INF2: variants seen among roughly 807,000 people sequenced by gnomAD.
INF2 encodes inverted formin-2.
Under a neutral mutation model 123.5 loss-of-function variants are expected in INF2, and 43 were observed. The observed-to-expected ratio is 0.35, with a 90% CI of 0.27 to 0.45. The LOEUF (loss-of-function observed/expected upper bound fraction) is 0.45, where lower values mean the gene tolerates loss of function less well. Ranked by LOEUF, INF2 falls within the 20% of genes least tolerant of loss-of-function variation. INF2 has a pLI of 1.00. For synonymous variants in INF2, 851 were observed against 745.0 expected (o/e 1.14, Z -2.32); for missense variants, 1,453 against 1,682.7 (o/e 0.86, Z 2.39).
rs773425934 is a variant in INF2 at position 104,714,564 on chromosome 14, C to T, written c.3402C>T (p.Pro1134=). The change falls in exon 21 of 23, where the codon CCC becomes CCT. Residue 1134 remains proline (P), a synonymous_variant. Coordinates refer to ENST00000392634, the MANE Select transcript of INF2 (RefSeq NM_022489.4). ...GTTCAAGGCAAGATGCCAAGGATCCCACGTCCTTGCTGGGCGTCCTCCAGG... is the reference window on the plus strand; with the variant it reads ...GTTCAAGGCAAGATGCCAAGGATCCTACGTCCTTGCTGGGCGTCCTCCAGG... The part of the protein sequence containing the change: ...AGSSRQDAKD[P]TSLLGVLQAE... 3.1e-5 allele frequency: 50 copies of T among 1,612,568 alleles called. No individual in the cohort carries two copies. Among genetic ancestry groups the T allele is most frequent in the Middle Eastern group, 1.6e-4 (1 of 6,084 alleles).
At chr14:104,695,125 A>T (rs4444271) in intron 1 of INF2, among the ~76,000 whole-genome samples, 54,834 of 151,696 alleles carry the variant, frequency 0.36, 11,268 homozygotes, top group Non-Finnish European at 0.46. Flanking sequence ...TGCCCAGCAG[A>T]CCCCCTGCAG....
In INF2 at chr14:104,721,408, C is replaced by A. The variant is rs916484578; in HGVS notation, c.*2615C>A. 2 of 161,064 alleles carry A rather than the reference C, an allele frequency of 1.2e-5. No homozygotes were observed. Among genetic ancestry groups the A allele is most frequent in the Admixed American group, 1.3e-4 (2 of 15,400 alleles). The allele number at this position is 161,064 out of a possible 1,614,324, so 10.0% of individuals were successfully genotyped here. A position where few individuals can be genotyped will look rare whatever the true frequency, so the allele number is the denominator to read the frequency against. On this transcript the variant is annotated 3_prime_UTR_variant, in exon 23 of 23. Coordinates refer to ENST00000392634, the MANE Select transcript of INF2 (RefSeq NM_022489.4). ...CTGCTGTGGACGTCTGCGTCGTCCT[C>A]GTGTGGATGCTGCTGTGGACGTCTG...
intron 22 of INF2, among the ~76,000 whole-genome samples, chr14:104,716,232 G>T (rs1013723605): frequency 6.6e-6 from 1 of 152,254 alleles, no homozygotes; most frequent in Admixed American, 6.5e-5. Context: ...TGGGCCTGGG[G>T]CTTAGGCTCA....
At position 104,703,147 on chromosome 14, in the gene INF2, A is replaced by G; in HGVS notation, c.434A>G (p.Glu145Gly). 1 of 1,613,630 alleles carries G rather than the reference A, an allele frequency of 6.2e-7. No individual in the cohort carries two copies. Among genetic ancestry groups the G allele is most frequent in the Non-Finnish European group, 8.5e-7 (1 of 1,179,920 alleles). ...GTGATGGTGAAGAAGCAGGTGTTTG[A>G]GCTACTGGCTGCCCTGTGCATCTAC... The part of the protein sequence containing the change: ...SNVMVKKQVF[E>G]LLAALCIYSP... Residue 145 changes from glutamate to glycine, a missense_variant, in exon 3 of 23, where the codon GAG becomes GGG. Around this residue, in one of 8 missense-constraint regions of INF2, gnomAD observed 251 missense variants for 349.4 expected, o/e 0.72. Coordinates refer to ENST00000392634, the MANE Select transcript of INF2 (RefSeq NM_022489.4).
intron 13 of INF2, chr14:104,710,694 G>A (rs1890010757): frequency 1.2e-5 from 7 of 574,392 alleles, no homozygotes; most frequent in African/African-American, 3.7e-5. Context: ...TGGGCAGGGA[G>A]AGGGACAGGT....
intron 16 of INF2, among the ~76,000 whole-genome samples, chr14:104,712,171 T>C (rs959319506): frequency 6.6e-6 from 1 of 152,074 alleles, no homozygotes; most frequent in African/African-American, 2.4e-5. Context: ...CCTGGAAGGT[T>C]CTCTGGCTCA....
chr14:104,701,940 A>C (rs1162626669), intron 2 of INF2, among the ~76,000 whole-genome samples, 184 bp downstream of exon 2: 2 of 152,088 alleles, frequency 1.3e-5, no homozygotes, highest in East Asian at 3.9e-4. Flanking sequence ...ATTCACTCCG[A>C]GTCTGAGGCT....
chr14:104,713,113 T>C (rs946996976), intron 18 of INF2, 94 bp from the exon 19 acceptor site: 151 of 1,606,910 alleles, frequency 9.4e-5, no homozygotes, highest in Admixed American at 6.2e-4. Flanking sequence ...ATGTGGGCCC[T>C]GCGCTGCTGC....
Position 104,707,856 on chromosome 14 carries a change from T to A in INF2, c.1589T>A (p.Val530Glu). Residue 530 changes from valine (V) to glutamate (E), a missense_variant, in exon 8 of 23, where the codon GTG becomes GAG. Val to Glu is a moderately radical substitution (Grantham distance 121). This residue lies in a region of INF2 where 374 missense variants were observed against 303.7 expected (regional missense o/e 1.23). Coordinates refer to ENST00000392634, the MANE Select transcript of INF2 (RefSeq NM_022489.4). ...CTGCCCTGCACCTGCAGCCCCCCCG[T>A]GGCGGGAGGCATGGAGGAGGTCATC... ...PLLPCTCSPP[V>E]AGGMEEVIVA... The A allele has an allele frequency of 6.3e-7, 1 of 1,585,114 alleles. No individual in the cohort carries two copies. The highest frequency in any genetic ancestry group is 8.6e-7 in the Non-Finnish European group (1 of 1,167,210).
intron 1 of INF2, among the ~76,000 whole-genome samples, chr14:104,683,044 G>A (rs999365561): frequency 3.3e-5 from 4 of 121,284 alleles, no homozygotes; most frequent in South Asian, 5.5e-4. Flanking sequence ...CCACCCTCCC[G>A]AGCCTCCCAA....
chr14:104,709,641 A>G lies in INF2; in HGVS notation c.2074A>G (p.Thr692Ala), dbSNP rs1216935151. Residue 692 changes from threonine to alanine, a missense_variant, in exon 12 of 23, where the codon ACA becomes GCA. Around this residue, in one of 8 missense-constraint regions of INF2, gnomAD observed 192 missense variants for 274.4 expected, o/e 0.70. Transcript: ENST00000392634. Reference protein sequence around the residue: ...KHEIENLRAFTEERAKLASAD... With the variant: ...KHEIENLRAFAEERAKLASAD... ...GCAGATTGAAAACCTGCGGGCATTCACAGAGGAGCGAGCCAAGCTGGCCAG... is the reference window on the plus strand; with the variant it reads ...GCAGATTGAAAACCTGCGGGCATTCGCAGAGGAGCGAGCCAAGCTGGCCAG... 1 of 1,612,634 alleles carries G rather than the reference A, an allele frequency of 6.2e-7. No homozygotes were observed. The highest frequency in any genetic ancestry group is 2.2e-5 in the East Asian group (1 of 44,864).
At chr14:104,716,050 C>G in intron 22 of INF2, 6 of 433,798 alleles carry the variant, frequency 1.4e-5, no homozygotes, top group South Asian at 1.0e-4. Context: ...GCCAATGCAT[C>G]CAGCTAGACA....
chr14:104,711,160 G>T lies in INF2; in HGVS notation c.2392G>T (p.Val798Leu). ...LTETKSQQNR[V>L]TLLHHVLEEA... ...GGAGACCAAGTCCCAGCAGAACCGC[G>T]TGACGCTGCTGCACCACGTGCTGGA... The change falls in exon 15 of 23, where the codon GTG becomes TTG. Residue 798 changes from valine to leucine, a missense_variant. Transcript: ENST00000392634. 1 of 1,567,600 alleles carries T rather than the reference G, an allele frequency of 6.4e-7. No individual in the cohort carries two copies.
rs770477971 is a variant in INF2 at position 104,707,472 on chromosome 14, G to A, written c.1205G>A (p.Ser402Asn). ...AACEPVDHAQ[S>N]ESILKVSQPR... ...TGCGAGCCCGTGGACCACGCCCAGA[G>A]TGAGAGCATCCTGAAAGTTTCGCAG... Residue 402 changes from serine (S) to asparagine (N), a missense_variant, in exon 8 of 23, where the codon AGT becomes AAT. Around this residue, in one of 8 missense-constraint regions of INF2, gnomAD observed 374 missense variants for 303.7 expected, o/e 1.23. Coordinates refer to ENST00000392634, the MANE Select transcript of INF2 (RefSeq NM_022489.4). The A allele has an allele frequency of 1.5e-5, 24 of 1,552,844 alleles. No homozygotes were observed. The highest frequency in any genetic ancestry group is 1.8e-5 in the Non-Finnish European group (21 of 1,148,772).
At chr14:104,692,605 AT>A (rs1889009538) in intron 1 of INF2, among the ~76,000 whole-genome samples, 1 of 152,170 alleles carries the variant, frequency 6.6e-6, no homozygotes, top group Admixed American at 6.5e-5. Context: ...TGGGGCAGGA[AT>A]AGGCCCGCCC....
In INF2 at chr14:104,714,780, A is replaced by T. The variant is rs748717940; in HGVS notation, c.3618A>T (p.Thr1206=). ...TGACCGACTCCTCGGGGTCGGGCAC[A>T]CTCCCCAGGGCCCGGGGCCGGGCCT... is the stretch of plus-strand genomic sequence containing the variant. ...DAVTDSSGSG[T]LPRARGRASK... The change falls in exon 21 of 23, where the codon ACA becomes ACT. Residue 1206 remains threonine (T), a synonymous_variant. Coordinates refer to ENST00000392634, the MANE Select transcript of INF2 (RefSeq NM_022489.4). 2 of 1,599,570 alleles carry T rather than the reference A, an allele frequency of 1.3e-6. No homozygotes were observed. Among genetic ancestry groups the T allele is most frequent in the Non-Finnish European group, 1.7e-6 (2 of 1,174,388 alleles).
rs1595178850 is a variant in INF2 at position 104,713,482 on chromosome 14, C to T, written c.2916C>T (p.Val972=). The change falls in exon 20 of 23, where the codon GTC becomes GTT. Residue 972 remains valine (V), a synonymous_variant. Coordinates refer to ENST00000392634, the MANE Select transcript of INF2 (RefSeq NM_022489.4). ...KGPGKQEEVC[V]IDALLADIRK... ...CCGGGAAGCAGGAGGAGGTGTGTGTCATCGATGCCCTGCTGGCTGACATCA... is the reference window on the plus strand; with the variant it reads ...CCGGGAAGCAGGAGGAGGTGTGTGTTATCGATGCCCTGCTGGCTGACATCA... The T allele has an allele frequency of 6.2e-7, 1 of 1,611,608 alleles. No individual in the cohort carries two copies. Among genetic ancestry groups the T allele is most frequent in the African/African-American group, 1.3e-5 (1 of 75,000 alleles).
chr14:104,712,949 G>T lies in INF2; in HGVS notation c.2732G>T (p.Ser911Ile). Residue 911 changes from serine (S) to isoleucine (I), a missense_variant, in exon 18 of 23, where the codon AGC (serine) becomes ATC (isoleucine). Coordinates refer to ENST00000392634, the MANE Select transcript of INF2 (RefSeq NM_022489.4). ...CAGCTGTCCCTGGAGGACACGTTCA[G>T]CACCATGAAGGCTTTCCGGGACCTT... ...AQQLSLEDTF[S>I]TMKAFRDLFL... The T allele has an allele frequency of 6.2e-7, 1 of 1,612,696 alleles. No homozygotes were observed. The highest frequency in any genetic ancestry group is 1.1e-5 in the South Asian group (1 of 91,088).
rs139754025 is a variant in INF2, at chr14:104,695,582, T to TCTCCTCCCAGTGACCC, written c.-9-5761_-9-5746dup. 8.3e-3 allele frequency among the ~76,000 whole-genome samples: 1,246 copies of TCTCCTCCCAGTGACCC among 149,874 alleles called. 27 individuals carry two copies. The highest frequency in any genetic ancestry group is 0.029 in the African/African-American group (1,162 of 40,466). ...CCTTGCCTGGGCTGCGCTTGCCGAC[T>TCTCCTCCCAGTGACCC]CTCCTCCCAGTGACCCCTCCTCCCA... On this transcript the variant is annotated intron_variant, in intron 1 of 22. Coordinates refer to ENST00000392634, the MANE Select transcript of INF2 (RefSeq NM_022489.4).
Sources: allele counts gnomAD v4.1 joint callset (sites outside exome capture counted in the v4.1 genomes callset), GRCh38; gene constraint gnomAD v4.1.1; regional missense constraint gnomAD v4.1.1; transcripts MANE v1.5; gene names NCBI Gene and HGNC (gene_info 2026-07-23, HGNC 2026-07-21).